The following ATRX variants were observed in gnomAD, a reference collection of about 807,000 sequenced individuals.
ATRX encodes the protein chromatin remodeler ATRX.
A neutral mutation model predicts 172.6 loss-of-function variants in ATRX; 12 were observed. The ratio of observed to expected loss-of-function variants is 0.07; its 90% CI spans 0.04 to 0.11. ATRX has a LOEUF of 0.11. Among genes scored for constraint, ATRX ranks in the 10% least tolerant of loss-of-function variants. ATRX has a pLI of 1.00. For missense variants in ATRX, 1,368 were observed against 1,767.4 expected (o/e 0.77, Z 4.05); for synonymous variants, 674 against 594.7 (o/e 1.13, Z -1.94).
At chrX:77,627,184 G>A (rs1557103616) in intron 19 of ATRX, among the ~76,000 whole-genome samples, 1 of 111,060 alleles carries the variant, frequency 9.0e-6, no homozygotes, top group East Asian at 2.8e-4. Context: ...AGTGAGCCGA[G>A]ATCGCGCCAC....
In ATRX at chrX:77,696,688, T is replaced by C. The variant is rs1557150036; in HGVS notation, c.259A>G (p.Thr87Ala). Residue 87 changes from threonine to alanine, a missense_variant, in exon 5 of 35, where the codon ACA becomes GCA. Physicochemically the swap from Thr to Ala is moderately conservative, Grantham distance 58. Transcript: ENST00000373344. ...SRSKRKPSIVTKYVESDDEKP... is the reference protein window; with the variant it reads ...SRSKRKPSIVAKYVESDDEKP... ...TCATCATCTGATTCTACATACTTTG[T>C]TACAATTGAAGGTTTCCTATGAAAG... The C allele has an allele frequency of 8.3e-7, 1 of 1,199,569 alleles. No individual in the cohort carries two copies. Among genetic ancestry groups the C allele is most frequent in the Non-Finnish European group, 1.1e-6 (1 of 885,173 alleles).
intron 27 of ATRX, among the ~76,000 whole-genome samples, chrX:77,588,229 A>G (rs1351690500): frequency 8.9e-6 from 1 of 112,165 alleles, no homozygotes; most frequent in Admixed American, 9.5e-5. Flanking sequence ...AACCACAGCA[A>G]AAGACTGAAG....
intron 20 of ATRX, among the ~76,000 whole-genome samples, chrX:77,619,319 G>C (rs1452349166): frequency 9.0e-6 from 1 of 110,897 alleles, no homozygotes; most frequent in African/African-American, 3.3e-5. Flanking sequence ...TGATTTTATG[G>C]TCAGTGAGGC....
intron 6 of ATRX, among the ~76,000 whole-genome samples, chrX:77,692,420 T>C (rs1184839529): frequency 8.9e-6 from 1 of 112,018 alleles, no homozygotes; most frequent in Admixed American, 9.5e-5. Context: ...AAAGACTATA[T>C]AATATTTCCT....
intron 2 of ATRX, among the ~76,000 whole-genome samples, chrX:77,704,441 C>G (rs2072703641): frequency 8.9e-6 from 1 of 111,944 alleles, no homozygotes. Flanking sequence ...AGTTCCCACT[C>G]TGATCCATGC....
chrX:77,505,424 T>TA lies in ATRX; in HGVS notation c.*2926dup, dbSNP rs2062689650. ...GCCCTGCTTGACTTAAAATGAGTGTTACAGCTGTTGGGAAACAGGAAATGG... is the reference window on the plus strand; with the variant it reads ...GCCCTGCTTGACTTAAAATGAGTGTTAACAGCTGTTGGGAAACAGGAAATGG... On this transcript the variant is annotated 3_prime_UTR_variant, in exon 35 of 35. Transcript: ENST00000373344. The TA allele has an allele frequency of 5.7e-6, 1 of 174,341 alleles. No homozygotes were observed. Among genetic ancestry groups the TA allele is most frequent in the Non-Finnish European group, 1.1e-5 (1 of 90,964 alleles). 14.4% of individuals were successfully genotyped at this position (174,341 alleles called of 1,213,427 possible).
At chrX:77,774,368 G>A (rs1483783574) in intron 1 of ATRX, among the ~76,000 whole-genome samples, 1 of 111,512 alleles carries the variant, frequency 9.0e-6, no homozygotes, top group Non-Finnish European at 1.9e-5. Flanking sequence ...TGTGAATAAG[G>A]TCTGTAGATT....
At chrX:77,510,489 C>T (rs1247939364) in intron 34 of ATRX, among the ~76,000 whole-genome samples, 3 of 111,106 alleles carry the variant, frequency 2.7e-5, no homozygotes, top group East Asian at 2.9e-4. Flanking sequence ...AGCAGACCCT[C>T]GGGGACCCTA....
chrX:77,570,384 A>G (rs1557066757), intron 28 of ATRX, among the ~76,000 whole-genome samples: 1 of 108,272 alleles, frequency 9.2e-6, no homozygotes, highest in Non-Finnish European at 1.9e-5. Flanking sequence ...TGTGATGCTC[A>G]GGCTGGTCTT....
chrX:77,634,594 C>A lies in ATRX; in HGVS notation c.4809G>T (p.Gln1603His), dbSNP rs2068261009. ...TACCTTCATATTCTTCAGCTCTTAC[C>A]TGTAAAGTCTTACCAAGGCCCATAC... ...AHCMGLGKTL[Q>H]VVSFLHTVLL... is the part of the protein sequence containing the mutation. Residue 1603 changes from glutamine to histidine, a missense_variant and splice_region_variant, in exon 17 of 35, where the codon CAG becomes CAT. By Grantham distance (24) the Gln-to-His change is conservative. Around this residue, in one of 17 missense-constraint regions of ATRX, gnomAD observed 27 missense variants for 110.8 expected, o/e 0.24. Coordinates refer to ENST00000373344, the MANE Select transcript of ATRX (RefSeq NM_000489.6). 1 of 1,195,211 alleles carries A rather than the reference C, an allele frequency of 8.4e-7. No individual in the cohort carries two copies. Among genetic ancestry groups the A allele is most frequent in the African/African-American group, 1.8e-5 (1 of 56,749 alleles).
intron 1 of ATRX, among the ~76,000 whole-genome samples, chrX:77,735,992 C>T (rs868978774): frequency 2.3e-4 from 24 of 104,738 alleles, no homozygotes; most frequent in African/African-American, 6.9e-4. Flanking sequence ...CAACAAGAGC[C>T]GAAACTCCAC....
intron 21 of ATRX, among the ~76,000 whole-genome samples, chrX:77,617,939 T>C (rs1445571766): frequency 1.8e-5 from 2 of 110,371 alleles, no homozygotes; most frequent in African/African-American, 3.3e-5. Flanking sequence ...GCCTGGAGTG[T>C]AGTGGCATGA....
intron 12 of ATRX, among the ~76,000 whole-genome samples, chrX:77,657,146 G>A (rs781970096): frequency 1.8e-5 from 2 of 111,025 alleles, no homozygotes; most frequent in South Asian, 7.6e-4. Flanking sequence ...ATTGGTGGAG[G>A]GGAGAGAGCT....
At chrX:77,537,297 G>C (rs2063780504) in intron 30 of ATRX, among the ~76,000 whole-genome samples, 1 of 111,425 alleles carries the variant, frequency 9.0e-6, no homozygotes, top group East Asian at 2.8e-4. Context: ...ATGAAGTGCT[G>C]AGTACAGTGC....
intron 21 of ATRX, among the ~76,000 whole-genome samples, chrX:77,618,091 C>T (rs2067429529): frequency 9.0e-6 from 1 of 111,478 alleles, no homozygotes; most frequent in African/African-American, 3.3e-5. Flanking sequence ...ATTTTTGATC[C>T]ATGGTAGGTT....
At chrX:77,627,118 A>G (rs2148307669) in intron 19 of ATRX, among the ~76,000 whole-genome samples, 1 of 111,592 alleles carries the variant, frequency 9.0e-6, no homozygotes, top group Non-Finnish European at 1.9e-5. Context: ...CTGTAGTCCC[A>G]GCTACTCGGG....
intron 11 of ATRX, among the ~76,000 whole-genome samples, chrX:77,663,850 C>A (rs991284564): frequency 4.5e-5 from 5 of 111,278 alleles, no homozygotes; most frequent in Admixed American, 9.5e-5. Context: ...ACCTGTAATC[C>A]CAGCTCTTTG....
intron 10 of ATRX, among the ~76,000 whole-genome samples, chrX:77,667,855 C>G (rs1557127237): frequency 1.5e-4 from 17 of 111,506 alleles, no homozygotes; most frequent in Non-Finnish European, 3.8e-5. Flanking sequence ...CATTCAGAAG[C>G]CAAAAAATTA....
intron 1 of ATRX, among the ~76,000 whole-genome samples, chrX:77,742,639 G>A (rs1337396008): frequency 8.9e-6 from 1 of 111,851 alleles, no homozygotes; most frequent in Non-Finnish European, 1.9e-5. Context: ...ACAGAAAAGC[G>A]ACAGCAAAAA....
Sources: gnomAD v4.1 joint callset for allele counts (sites outside exome capture counted in the v4.1 genomes callset) on GRCh38, gnomAD v4.1.1 for gene constraint, gnomAD v4.1.1 regional missense constraint, MANE v1.5 for transcripts, NCBI Gene and HGNC (gene_info 2026-07-23, HGNC 2026-07-21) for gene names.